Variants in EFHB observed in about 807,000 individuals in gnomAD.
EFHB encodes the protein EF-hand domain family member B.
EFHB carries 91 observed loss-of-function variants against 87.2 expected under a neutral mutation model. The ratio of observed to expected loss-of-function variants is 1.04; its 90% CI spans 0.88 to 1.24. EFHB has a LOEUF of 1.24. EFHB is among the 50% of genes most tolerant of loss of function. The pLI is 0.00. For missense variants in EFHB, 1,084 were observed against 998.8 expected (o/e 1.09, Z -1.15); for synonymous variants, 325 against 333.6 (o/e 0.97, Z 0.28).
intron 12 of EFHB, among the ~76,000 whole-genome samples, chr3:19,881,670 C>T (rs2071679389): frequency 6.6e-6 from 1 of 152,060 alleles, no homozygotes; most frequent in Admixed American, 6.6e-5. Flanking sequence ...GTCCTGCGTC[C>T]GTGTGAAAGA....
intron 1 of EFHB, among the ~76,000 whole-genome samples, chr3:19,930,606 T>A (rs1384931136): frequency 6.6e-6 from 1 of 152,190 alleles, no homozygotes. Context: ...TAATTAATCT[T>A]ATTTTTACTT....
chr3:19,931,274 ACT>A (rs1695821586), intron 1 of EFHB, among the ~76,000 whole-genome samples: 1 of 152,122 alleles, frequency 6.6e-6, no homozygotes, highest in Non-Finnish European at 1.5e-5. Flanking sequence ...ACTGCTGGTC[ACT>A]CTCTCCTTGA....
intron 10 of EFHB, among the ~76,000 whole-genome samples, chr3:19,885,187 A>T (rs1157100003): frequency 6.6e-6 from 1 of 150,870 alleles, no homozygotes; most frequent in Non-Finnish European, 1.5e-5. Flanking sequence ...GCGCCATTGC[A>T]CTCCAGCCTG....
chr3:19,915,168 A>G (rs1575028124), intron 5 of EFHB, 135 bp downstream of exon 5: 1 of 590,688 alleles, frequency 1.7e-6, no homozygotes, highest in East Asian at 3.0e-5. Context: ...ATGGTTTATG[A>G]CCTTATGAAT....
upstream of EFHB, among the ~76,000 whole-genome samples, chr3:19,937,728 A>T (rs2125170706): frequency 6.6e-6 from 1 of 152,168 alleles, no homozygotes; most frequent in East Asian, 1.9e-4. Context: ...AGTCTGAGTC[A>T]CTCACCTTAT....
In EFHB at chr3:19,934,110, G is replaced by A. The variant is rs1045173883; in HGVS notation, c.-92C>T. The A allele has an allele frequency of 1.0e-5, 15 of 1,471,246 alleles. No individual in the cohort carries two copies. Among genetic ancestry groups the A allele is most frequent in the Non-Finnish European group, 1.3e-5 (14 of 1,117,232 alleles). 91.1% of individuals were successfully genotyped at this position (1,471,246 alleles called of 1,614,324 possible). A position where few individuals can be genotyped will look rare whatever the true frequency, so the allele number is the denominator to read the frequency against. On this transcript the variant is annotated 5_prime_UTR_variant, in exon 1 of 13. Transcript: ENST00000295824. ...TACAAAGACGCCTCCAATCCCTTGC[G>A]GAACCCCTCTCTCAGGAAAGAGCAC...
At chr3:19,911,943 T>C (rs1021354238) in intron 5 of EFHB, among the ~76,000 whole-genome samples, 2 of 152,042 alleles carry the variant, frequency 1.3e-5, no homozygotes, top group African/African-American at 4.8e-5. Context: ...AGACTAAATT[T>C]ATTATTATTT....
rs758761952 is a variant in EFHB, at chr3:19,922,114, G to A, written c.790-1547C>T. On this transcript the variant is annotated intron_variant, in intron 1 of 12. Coordinates refer to ENST00000295824, the MANE Select transcript of EFHB (RefSeq NM_144715.4). ...CAGGAGGCAGAGGTTGCAGTGAGCC[G>A]AGGCCATGCCATTGCACTCCAGCCT... Among the ~76,000 whole-genome samples the A allele has an allele frequency of 3.9e-5, 6 of 152,190 alleles. No homozygotes were observed. In the East Asian group the frequency reaches 5.8e-4, roughly 15 times the overall value.
At chr3:19,917,354 T>C (rs778572168) in intron 4 of EFHB, among the ~76,000 whole-genome samples, 5 of 152,104 alleles carry the variant, frequency 3.3e-5, no homozygotes, top group Admixed American at 1.3e-4. Context: ...TGCAATAAGG[T>C]ACAACTCCAG....
intron 9 of EFHB, chr3:19,894,774 G>A (rs1466194109): frequency 6.6e-6 from 1 of 151,940 alleles, no homozygotes; most frequent in African/African-American, 2.4e-5. Context: ...ATGACCTGAG[G>A]TCAGGAGTTC....
At chr3:19,905,587 A>G (rs560592013) in intron 6 of EFHB, 33 bp downstream of exon 6, 1 of 1,593,450 alleles carries the variant, frequency 6.3e-7, no homozygotes, top group African/African-American at 1.3e-5. Context: ...AATGTCTAAC[A>G]CTTGTTCCTG....
intron 1 of EFHB, chr3:19,941,040 C>T (rs765583783): frequency 5.9e-6 from 2 of 338,762 alleles, no homozygotes; most frequent in East Asian, 1.3e-4. Flanking sequence ...TGTTGCCAGA[C>T]AGAATGGCTG....
chr3:19,907,986 A>G (rs1404327917), intron 5 of EFHB, among the ~76,000 whole-genome samples: 1 of 152,232 alleles, frequency 6.6e-6, no homozygotes, highest in East Asian at 1.9e-4. Context: ...ATTTGAGCTG[A>G]CAGTTTGGCT....
At chr3:19,900,653 G>A (rs975792893) in intron 6 of EFHB, among the ~76,000 whole-genome samples, 2 of 152,140 alleles carry the variant, frequency 1.3e-5, no homozygotes, top group Non-Finnish European at 2.9e-5. Context: ...AAGAGCCTGG[G>A]CACGGTGGCT....
chr3:19,910,529 C>T (rs769667734), intron 5 of EFHB, among the ~76,000 whole-genome samples: 5 of 152,178 alleles, frequency 3.3e-5, no homozygotes, highest in African/African-American at 4.8e-5. Context: ...GGGGACCTCA[C>T]CACCCTGAAG....
At chr3:19,942,671 C>G (rs1401285325) in intron 1 of EFHB, among the ~76,000 whole-genome samples, 1 of 152,112 alleles carries the variant, frequency 6.6e-6, no homozygotes, top group African/African-American at 2.4e-5. Context: ...ACTAGACGGT[C>G]CCATCTGGAG....
chr3:19,937,677 A>G (rs1696054028), upstream of EFHB, among the ~76,000 whole-genome samples: 1 of 152,096 alleles, frequency 6.6e-6, no homozygotes, highest in Non-Finnish European at 1.5e-5. Flanking sequence ...TGGCTGGTAA[A>G]TACTCTTCTC....
chr3:19,922,957 T>G (rs1487266196), intron 1 of EFHB, among the ~76,000 whole-genome samples: 1 of 152,096 alleles, frequency 6.6e-6, no homozygotes, highest in African/African-American at 2.4e-5. Flanking sequence ...GGCTGCCTCA[T>G]CTCTTCATCA....
chr3:19,915,380 T>C lies in EFHB; in HGVS notation c.1211A>G (p.Lys404Arg). The part of the protein sequence containing the change: ...YSAKDVVNPP[K>R]SYEEVFKEGN... Reference sequence around the variant, plus strand: ...TTCTTTAAATACTTCTTCATAGGATTTTGGTGGATTCACCACATCTTTAGC... The same window carrying C: ...TTCTTTAAATACTTCTTCATAGGATCTTGGTGGATTCACCACATCTTTAGC... The change falls in exon 5 of 13, where the codon AAA becomes AGA. Residue 404 changes from lysine (K) to arginine (R), a missense_variant. Transcript: ENST00000295824. 1 of 1,613,024 alleles carries C rather than the reference T, an allele frequency of 6.2e-7. No individual in the cohort carries two copies. Among genetic ancestry groups the C allele is most frequent in the Non-Finnish European group, 8.5e-7 (1 of 1,179,358 alleles).
Sources: allele counts gnomAD v4.1 joint callset (sites outside exome capture counted in the v4.1 genomes callset), GRCh38; gene constraint gnomAD v4.1.1; transcripts MANE v1.5; gene names NCBI Gene and HGNC (gene_info 2026-07-23, HGNC 2026-07-21).